SCN1A: variants seen among roughly 807,000 people sequenced by gnomAD.
The protein encoded by SCN1A is sodium voltage-gated channel alpha subunit 1, also known as sodium channel protein type 1 subunit alpha.
SCN1A carries 13 observed loss-of-function variants against 193.7 expected under a neutral mutation model. That is an observed-to-expected ratio of 0.07 (90% CI 0.04 to 0.11). The LOEUF (loss-of-function observed/expected upper bound fraction) is 0.11, where lower values mean the gene tolerates loss of function less well. SCN1A is among the 10% of genes least tolerant of loss of function. The pLI, the probability that SCN1A is intolerant of heterozygous loss-of-function variation, is 1.00. For missense variants in SCN1A, 1,432 were observed against 2,451.1 expected, an observed-to-expected ratio of 0.58 and a Z score of 8.78; for synonymous variants, 781 against 843.6, an observed-to-expected ratio of 0.93 and a Z score of 1.29.
At chr2:166,102,188 CAGAAT>C (rs2106148464) in intron 2 of SCN1A, among the ~76,000 whole-genome samples, 1 of 152,304 alleles carries the variant, frequency 6.6e-6, no homozygotes, top group African/African-American at 2.4e-5. Flanking sequence ...TCACACCAGT[CAGAAT>C]GACAATTTTT....
intron 2 of SCN1A, among the ~76,000 whole-genome samples, chr2:166,080,508 A>T (rs955887943): frequency 4.6e-5 from 7 of 151,868 alleles, no homozygotes; most frequent in South Asian, 2.1e-4. Context: ...AAGGAATTTT[A>T]AAAAATATTG....
At chr2:166,136,201 G>A (rs1438626375) in intron 1 of SCN1A, among the ~76,000 whole-genome samples, 3 of 152,108 alleles carry the variant, frequency 2.0e-5, no homozygotes, top group Non-Finnish European at 4.4e-5. Flanking sequence ...TTGTGGGGAA[G>A]AGCAGGCTAA....
chr2:166,145,173 T>A lies in SCN1A; in HGVS notation c.-50+3874A>T, dbSNP rs368268338. Among the ~76,000 whole-genome samples the A allele has an allele frequency of 1.4e-3, 20 of 14,636 alleles. 1 individual carries two copies. The highest frequency in any genetic ancestry group is 0.012 in the Admixed American group (17 of 1,362). The allele number at this position is 14,636 out of a possible 152,430, so 9.6% of individuals were successfully genotyped here. A position where few individuals can be genotyped will look rare whatever the true frequency, so the allele number is the denominator to read the frequency against. On this transcript the variant is annotated intron_variant, in intron 1 of 26. Transcript: ENST00000635750. ...TTTTTTTTTTTTTTTTTTTTTTTTT[T>A]GTGGGGGACAGAGTCTCGCTCTGTC...
intron 4 of SCN1A, among the ~76,000 whole-genome samples, chr2:166,072,267 C>T (rs1684507605): frequency 6.6e-6 from 1 of 152,070 alleles, no homozygotes; most frequent in Admixed American, 6.5e-5. Context: ...TTACGAATCA[C>T]CTAACGTCAT....
At chr2:166,044,916 G>T in intron 13 of SCN1A, 127 bp downstream of exon 13, 3 of 1,007,144 alleles carry the variant, frequency 3.0e-6, no homozygotes, top group Non-Finnish European at 4.6e-6. Flanking sequence ...AGAAGGGATG[G>T]GTTTAAATAT....
At chr2:166,131,927 G>A (rs921559101), upstream of SCN1A, among the ~76,000 whole-genome samples, 1 of 152,132 alleles carries the variant, frequency 6.6e-6, no homozygotes, top group African/African-American at 2.4e-5. Flanking sequence ...AGATTCCCTT[G>A]TTTAGAGTTA....
chr2:166,025,324 A>T (rs1287808593), intron 19 of SCN1A, among the ~76,000 whole-genome samples: 3 of 152,186 alleles, frequency 2.0e-5, no homozygotes, highest in Admixed American at 1.3e-4. Flanking sequence ...CTGCCAGCTC[A>T]TGGCCCAGAA....
chr2:166,038,842 T>C (rs1248263452), intron 17 of SCN1A, among the ~76,000 whole-genome samples: 9 of 152,236 alleles, frequency 5.9e-5, no homozygotes. Context: ...TTAATGCTCC[T>C]TAGGGGTATT....
chr2:166,013,831 G>A lies in SCN1A; in HGVS notation c.3618C>T (p.Asn1206=), dbSNP rs762734890. Residue 1206 remains asparagine (N), a synonymous_variant, in exon 21 of 29, where the codon AAC becomes AAT. Coordinates refer to ENST00000674923, the MANE Select transcript of SCN1A (RefSeq NM_001165963.4). ...VEEGRGKQWW[N]LRRTCFRIVE... is the part of the protein sequence containing the mutation. ...CTATTCGGAAACACGTCCTTCTCAGGTTCCACCATTGTTTTCCTCTGCCTT... is the reference window on the plus strand; with the variant it reads ...CTATTCGGAAACACGTCCTTCTCAGATTCCACCATTGTTTTCCTCTGCCTT... The A allele has an allele frequency of 2.2e-5, 36 of 1,612,258 alleles. No homozygotes were observed. Among genetic ancestry groups the A allele is most frequent in the Non-Finnish European group, 2.3e-5 (27 of 1,178,748 alleles).
At chr2:166,107,954 A>G (rs995860117) in intron 2 of SCN1A, among the ~76,000 whole-genome samples, 1 of 152,128 alleles carries the variant, frequency 6.6e-6, no homozygotes, top group Non-Finnish European at 1.5e-5. Context: ...GATAAATTGT[A>G]CTTCATAAAA....
At chr2:166,111,713 A>G (rs924653364) in intron 2 of SCN1A, among the ~76,000 whole-genome samples, 1 of 152,142 alleles carries the variant, frequency 6.6e-6, no homozygotes, top group Non-Finnish European at 1.5e-5. Context: ...ACCATCCTAG[A>G]TCCCATTAAG....
intron 2 of SCN1A, among the ~76,000 whole-genome samples, chr2:166,105,494 A>G (rs1378838889): frequency 6.6e-6 from 1 of 152,230 alleles, no homozygotes; most frequent in Non-Finnish European, 1.5e-5. Context: ...ATATTAAAAT[A>G]ATCATCACGT....
intron 1 of SCN1A, among the ~76,000 whole-genome samples, chr2:166,143,356 C>T (rs370021031): frequency 9.6e-4 from 146 of 151,798 alleles, no homozygotes; most frequent in African/African-American, 3.3e-3. Context: ...TTAATAGAGA[C>T]GGGGTTTCAC....
At chr2:166,116,893 A>G (rs566642357) in intron 2 of SCN1A, among the ~76,000 whole-genome samples, 19 of 152,300 alleles carry the variant, frequency 1.2e-4, no homozygotes, top group South Asian at 2.1e-4. Context: ...AAAAGATCTA[A>G]TGGGATGAGT....
chr2:166,087,178 AAAG>A (rs1166260484), intron 2 of SCN1A, among the ~76,000 whole-genome samples: 8 of 151,694 alleles, frequency 5.3e-5, no homozygotes, highest in African/African-American at 1.9e-4. Flanking sequence ...AAAAAAAAAA[AAAG>A]AGCAGCCTGG....
intron 16 of SCN1A, 89 bp downstream of exon 16, chr2:166,041,142 T>C (rs531670107): frequency 9.9e-7 from 1 of 1,006,256 alleles, no homozygotes; most frequent in South Asian, 1.3e-5. Context: ...TGAAGGATGG[T>C]TGAAAGACTG....
chr2:166,042,844 C>T (rs1697339806), intron 14 of SCN1A, among the ~76,000 whole-genome samples: 1 of 152,246 alleles, frequency 6.6e-6, no homozygotes, highest in South Asian at 2.1e-4. Flanking sequence ...TTGCAACACA[C>T]TTAGCTGCCA....
intron 19 of SCN1A, among the ~76,000 whole-genome samples, chr2:166,018,300 A>T (rs914274221): frequency 3.3e-5 from 5 of 151,970 alleles, no homozygotes; most frequent in Non-Finnish European, 5.9e-5. Flanking sequence ...TTATGAATTA[A>T]AGCATTGTTT....
intron 2 of SCN1A, among the ~76,000 whole-genome samples, chr2:166,109,753 C>T (rs192539023): frequency 7.2e-5 from 11 of 152,240 alleles, no homozygotes; most frequent in African/African-American, 2.6e-4. Context: ...GTTACGTCTG[C>T]TCTGACTGCT....
Sources: gnomAD v4.1 joint callset for allele counts (sites outside exome capture counted in the v4.1 genomes callset) on GRCh38, gnomAD v4.1.1 for gene constraint, MANE v1.5 for transcripts, NCBI Gene and HGNC (gene_info 2026-07-23, HGNC 2026-07-21) for gene names.